Variants in NKAIN2 observed in about 807,000 individuals in gnomAD.
NKAIN2 encodes the protein sodium/potassium-transporting ATPase subunit beta-1-interacting protein 2.
In NKAIN2, 14 loss-of-function variants were observed where a neutral mutation model predicts 32.6. The observed-to-expected ratio is 0.43, with a 90% CI of 0.28 to 0.67. NKAIN2 has a LOEUF of 0.67. NKAIN2 is among the 30% of genes least tolerant of loss of function. The pLI, the probability that NKAIN2 is intolerant of heterozygous loss-of-function variation, is 0.17. For synonymous variants in NKAIN2, 80 were observed against 87.2 expected (o/e 0.92, Z 0.46); for missense variants, 198 against 258.3 (o/e 0.77, Z 1.60).
intron 1 of NKAIN2, among the ~76,000 whole-genome samples, chr6:124,195,128 T>C (rs1166224455): frequency 6.6e-6 from 1 of 151,786 alleles, no homozygotes; most frequent in Non-Finnish European, 1.5e-5. Flanking sequence ...AGTATTTTTA[T>C]ACTTATTATA....
At chr6:123,857,888 GA>G (rs1562223061) in intron 1 of NKAIN2, among the ~76,000 whole-genome samples, 2 of 150,476 alleles carry the variant, frequency 1.3e-5, no homozygotes, top group Non-Finnish European at 3.0e-5. Context: ...TGTATTTGAA[GA>G]GTGAGAATGA....
At chr6:124,742,838 G>A (rs1777283609) in intron 4 of NKAIN2, among the ~76,000 whole-genome samples, 1 of 151,816 alleles carries the variant, frequency 6.6e-6, no homozygotes, top group South Asian at 2.1e-4. Context: ...CTTCCTGGAA[G>A]ATGTTCAGAT....
At chr6:124,082,249 A>C (rs577438346) in intron 1 of NKAIN2, among the ~76,000 whole-genome samples, 2 of 152,110 alleles carry the variant, frequency 1.3e-5, no homozygotes, top group Non-Finnish European at 2.9e-5. Context: ...TATGCTAAAC[A>C]TCAATGAAAA....
intron 1 of NKAIN2, among the ~76,000 whole-genome samples, chr6:124,186,143 G>C (rs1349865653): frequency 7.9e-6 from 1 of 126,722 alleles, no homozygotes; most frequent in South Asian, 2.9e-4. Context: ...AGAAAAGAAA[G>C]GAAGGAAGGA....
Position 124,669,924 on chromosome 6 carries a change from T to A in NKAIN2, c.474+11538T>A, listed in dbSNP as rs77794915. Among the ~76,000 whole-genome samples the A allele has an allele frequency of 6.6e-5, 10 of 152,176 alleles. No individual in the cohort carries two copies. The East Asian group carries it at 1.7e-3, about 26-fold the overall frequency. On this transcript the variant is annotated intron_variant, in intron 4 of 6. Coordinates refer to ENST00000368417, the MANE Select transcript of NKAIN2 (RefSeq NM_001040214.3). The stretch of plus-strand genomic sequence containing the variant: ...TCCCCCTCTCAAGTCTTCCCCTTTC[T>A]GTCCTCCTCTCCATCACTGTCAGGA...
intron 1 of NKAIN2, among the ~76,000 whole-genome samples, chr6:123,804,869 A>G (rs757362017): frequency 6.6e-6 from 1 of 152,204 alleles, no homozygotes; most frequent in Non-Finnish European, 1.5e-5. Context: ...CCATTGTCAT[A>G]GACGGAACCA....
At chr6:124,539,799 C>G (rs990071331) in intron 3 of NKAIN2, among the ~76,000 whole-genome samples, 4 of 152,130 alleles carry the variant, frequency 2.6e-5, no homozygotes, top group Non-Finnish European at 5.9e-5. Flanking sequence ...CGTCTCACTG[C>G]AACCTCCGCC....
At chr6:123,895,240 C>A (rs1774224398) in intron 1 of NKAIN2, among the ~76,000 whole-genome samples, 1 of 151,874 alleles carries the variant, frequency 6.6e-6, no homozygotes, top group African/African-American at 2.4e-5. Flanking sequence ...CACATACACA[C>A]AGCAACAGCA....
chr6:124,595,375 G>C (rs1302280529), intron 3 of NKAIN2, among the ~76,000 whole-genome samples: 1 of 152,144 alleles, frequency 6.6e-6, no homozygotes, highest in African/African-American at 2.4e-5. Flanking sequence ...CATTTTCACA[G>C]ACCCTGCCTG....
At chr6:123,817,438 G>A (rs1773740140) in intron 1 of NKAIN2, among the ~76,000 whole-genome samples, 1 of 152,144 alleles carries the variant, frequency 6.6e-6, no homozygotes, top group Non-Finnish European at 1.5e-5. Context: ...GCTGGAAAGA[G>A]CACTTAGAAA....
intron 4 of NKAIN2, among the ~76,000 whole-genome samples, chr6:124,790,956 T>C (rs73571630): frequency 6.6e-6 from 1 of 152,258 alleles, no homozygotes; most frequent in African/African-American, 2.4e-5. Context: ...TCTGTGGGTG[T>C]CCAAGTTTTA....
intron 5 of NKAIN2, among the ~76,000 whole-genome samples, chr6:124,806,865 G>A (rs1414570126): frequency 1.9e-4 from 29 of 152,046 alleles, no homozygotes; most frequent in South Asian, 6.2e-4. Flanking sequence ...CAGACTTTAA[G>A]CCAACAAAGA....
chr6:124,672,298 A>G (rs1181002174), intron 4 of NKAIN2, among the ~76,000 whole-genome samples: 1 of 152,064 alleles, frequency 6.6e-6, no homozygotes, highest in Non-Finnish European at 1.5e-5. Flanking sequence ...GGCATGAAAT[A>G]AATTCTTGCC....
Position 124,136,584 on chromosome 6 carries a change from G to T in NKAIN2, c.55-146421G>T, listed in dbSNP as rs561786708. Among the ~76,000 whole-genome samples, 4 of 152,258 alleles carry T rather than the reference G, an allele frequency of 2.6e-5. No individual in the cohort carries two copies. In the East Asian group the frequency reaches 7.7e-4, roughly 29 times the overall value. ...AAAACTACAGACCAATATCCCTGAT[G>T]AAATTAGGTGTGAAAATCCTCAATA... On this transcript the variant is annotated intron_variant, in intron 1 of 6. Coordinates refer to ENST00000368417, the MANE Select transcript of NKAIN2 (RefSeq NM_001040214.3).
chr6:124,810,424 A>G (rs1780837671), intron 5 of NKAIN2, among the ~76,000 whole-genome samples: 1 of 152,064 alleles, frequency 6.6e-6, no homozygotes, highest in Admixed American at 6.6e-5. Flanking sequence ...GTAGGTGGGA[A>G]TTGAACAATG....
At chr6:124,292,127 G>C (rs886127188) in intron 2 of NKAIN2, among the ~76,000 whole-genome samples, 7 of 151,968 alleles carry the variant, frequency 4.6e-5, no homozygotes, top group Non-Finnish European at 1.0e-4. Context: ...GTTTTCCCCA[G>C]AGAAATAAAC....
At chr6:123,903,841 T>G (rs2114425862) in intron 1 of NKAIN2, among the ~76,000 whole-genome samples, 1 of 152,330 alleles carries the variant, frequency 6.6e-6, no homozygotes, top group African/African-American at 2.4e-5. Flanking sequence ...ATGAAAACCC[T>G]TGCCTTGAAA....
intron 4 of NKAIN2, among the ~76,000 whole-genome samples, chr6:124,787,142 G>A: frequency 6.6e-6 from 1 of 152,088 alleles, no homozygotes; most frequent in African/African-American, 2.4e-5. Flanking sequence ...GGAGGAAGCA[G>A]CACCTTTATT....
rs5879698 is a variant in NKAIN2, at chr6:123,813,855, C to CTT, written c.54+9613_54+9614dup. On this transcript the variant is annotated intron_variant, in intron 1 of 6. Coordinates refer to ENST00000368417, the MANE Select transcript of NKAIN2 (RefSeq NM_001040214.3). ...AGGTGGTATATAAAGAGCTCTGGACCTTTTTTTTTTTTTCGTCTTTTTTTC... is the reference window on the plus strand; with the variant it reads ...AGGTGGTATATAAAGAGCTCTGGACCTTTTTTTTTTTTTTTCGTCTTTTTTTC... Among the ~76,000 whole-genome samples the CTT allele has an allele frequency of 8.5e-5, 12 of 141,910 alleles. No homozygotes were observed. In the East Asian group the frequency reaches 1.2e-3, roughly 14 times the overall value. 93.1% of individuals were successfully genotyped at this position (141,910 alleles called of 152,430 possible).
Sources: allele counts gnomAD v4.1 joint callset (sites outside exome capture counted in the v4.1 genomes callset), GRCh38; gene constraint gnomAD v4.1.1; transcripts MANE v1.5; gene names NCBI Gene and HGNC (gene_info 2026-07-23, HGNC 2026-07-21).